Variants in WWOX observed in about 807,000 individuals in gnomAD.
The protein encoded by WWOX is WW domain containing oxidoreductase.
In WWOX, 69 loss-of-function variants were observed where a neutral mutation model predicts 46.2. The ratio of observed to expected loss-of-function variants is 1.49; its 90% CI spans 1.23 to 1.82. The LOEUF is 1.82. WWOX is among the 40% of genes most tolerant of loss of function. WWOX has a pLI of 0.00. For missense variants in WWOX, 919 were observed against 542.6 expected (o/e 1.69, Z -6.89); for synonymous variants, 359 against 202.6 (o/e 1.77, Z -6.56).
chr16:78,485,951 G>A (rs189467455), intron 8 of WWOX, among the ~76,000 whole-genome samples: 5 of 152,186 alleles, frequency 3.3e-5, no homozygotes, highest in African/African-American at 1.2e-4. Flanking sequence ...AATTATTATT[G>A]TACAGATTTA....
intron 8 of WWOX, among the ~76,000 whole-genome samples, chr16:78,685,221 G>C (rs1159852019): frequency 6.6e-6 from 1 of 152,148 alleles, no homozygotes; most frequent in African/African-American, 2.4e-5. Context: ...GCCAGGGCAG[G>C]AGTATTCCCT....
intron 8 of WWOX, among the ~76,000 whole-genome samples, chr16:79,034,604 G>C (rs1259315368): frequency 6.6e-6 from 1 of 151,828 alleles, no homozygotes; most frequent in Non-Finnish European, 1.5e-5. Context: ...GTGATTATCT[G>C]TTCCTGGATT....
At chr16:78,853,991 A>G (rs1282290648) in intron 8 of WWOX, among the ~76,000 whole-genome samples, 1 of 152,208 alleles carries the variant, frequency 6.6e-6, no homozygotes, top group Non-Finnish European at 1.5e-5. Flanking sequence ...TTAAAAAATG[A>G]ACAGAGGAAA....
At chr16:78,422,663 G>GTGTATATATATA (rs1438850450) in intron 6 of WWOX, among the ~76,000 whole-genome samples, 4 of 24,382 alleles carry the variant, frequency 1.6e-4, no homozygotes, top group Non-Finnish European at 3.2e-4. Flanking sequence ...TTTTTTACAT[G>GTGTATATATATA]TATATATATA....
At chr16:78,278,281 G>A (rs377473835) in intron 5 of WWOX, among the ~76,000 whole-genome samples, 14 of 152,226 alleles carry the variant, frequency 9.2e-5, no homozygotes, top group South Asian at 4.2e-4. Flanking sequence ...TTCTCTTGCC[G>A]CAAGGGTACT....
At chr16:78,474,794 G>C (rs2084316694) in intron 8 of WWOX, among the ~76,000 whole-genome samples, 1 of 152,086 alleles carries the variant, frequency 6.6e-6, no homozygotes, top group Non-Finnish European at 1.5e-5. Context: ...CCATGCGTTT[G>C]TATATTCTGG....
chr16:79,154,229 T>G (rs9938707), intron 8 of WWOX, among the ~76,000 whole-genome samples: 2,390 of 152,266 alleles, frequency 0.016, 61 homozygotes, highest in African/African-American at 0.054. Context: ...GTGCAACAAG[T>G]ATTTGTGTAA....
intron 8 of WWOX, among the ~76,000 whole-genome samples, chr16:78,785,903 T>TTTTA (rs2050444226): frequency 6.6e-6 from 1 of 152,198 alleles, no homozygotes; most frequent in Admixed American, 6.5e-5. Flanking sequence ...TAATATTTCT[T>TTTTA]TTTTATTTTA....
chr16:78,308,600 T>C (rs1312865716), intron 5 of WWOX, among the ~76,000 whole-genome samples: 1 of 152,232 alleles, frequency 6.6e-6, no homozygotes, highest in Non-Finnish European at 1.5e-5. Flanking sequence ...CCTGCAAAGC[T>C]GTTTCTTGTC....
At chr16:78,728,781 G>T (rs141400977) in intron 8 of WWOX, among the ~76,000 whole-genome samples, 1 of 152,120 alleles carries the variant, frequency 6.6e-6, no homozygotes. Flanking sequence ...AAGTGACATT[G>T]TGTCCTTGTC....
At chr16:78,704,415 A>AT (rs1346388401) in intron 8 of WWOX, among the ~76,000 whole-genome samples, 1 of 152,180 alleles carries the variant, frequency 6.6e-6, no homozygotes, top group Non-Finnish European at 1.5e-5. Context: ...TGCACAATAC[A>AT]TGTAGTGCCA....
intron 8 of WWOX, among the ~76,000 whole-genome samples, chr16:78,619,133 TAAAAAA>T (rs768370577): frequency 1.7e-3 from 7 of 4,098 alleles, no homozygotes; most frequent in African/African-American, 4.4e-3. Flanking sequence ...CCATTTCTAC[TAAAAAA>T]AAAATATATA....
intron 8 of WWOX, among the ~76,000 whole-genome samples, chr16:78,843,731 G>T (rs2052222455): frequency 6.6e-6 from 1 of 152,144 alleles, no homozygotes; most frequent in African/African-American, 2.4e-5. Flanking sequence ...ACAAAACAAA[G>T]ACAGCCAGCA....
intron 8 of WWOX, among the ~76,000 whole-genome samples, chr16:79,160,717 T>G (rs2050468872): frequency 6.6e-6 from 1 of 152,186 alleles, no homozygotes; most frequent in Admixed American, 6.5e-5. Context: ...TCCATCGATT[T>G]AGTGATAAAA....
rs1184195820 is a variant in WWOX, at chr16:78,115,134, C to T, written c.389C>T (p.Thr130Ile). Residue 130 changes from threonine to isoleucine, a missense_variant, in exon 4 of 9, where the codon ACT becomes ATT. Transcript: ENST00000566780. ...RDFTGKVVVV[T>I]GANSGIGFET... is the part of the protein sequence containing the mutation. ...TTCACTGGCAAAGTGGTTGTGGTCA[C>T]TGGAGCTAATTCAGGAATAGGTAGG... 6.2e-7 allele frequency: 1 copy of T among 1,614,092 alleles called. No individual in the cohort carries two copies. The highest frequency in any genetic ancestry group is 8.5e-7 in the Non-Finnish European group (1 of 1,180,026).
rs150793963 is a variant in WWOX at position 78,488,158 on chromosome 16, C to T, written c.1056+55406C>T. Among the ~76,000 whole-genome samples the T allele has an allele frequency of 5.1e-3, 780 of 152,238 alleles. 6 individuals carry two copies. The highest frequency in any genetic ancestry group is 0.037 in the Middle Eastern group (11 of 294). On this transcript the variant is annotated intron_variant, in intron 8 of 8. Transcript: ENST00000566780. ...GGAGGACTTGAAAGGTTCCTGCTAC[C>T]TTTGGCTGGGGATGGAGGGAACATG...
intron 8 of WWOX, among the ~76,000 whole-genome samples, chr16:78,829,583 G>A (rs572510900): frequency 5.2e-4 from 79 of 152,042 alleles, no homozygotes; most frequent in Admixed American, 2.8e-3. Flanking sequence ...TTTATTTTTG[G>A]TGTTGTCATC....
chr16:78,486,760 G>A (rs904213191), intron 8 of WWOX, among the ~76,000 whole-genome samples: 3 of 152,176 alleles, frequency 2.0e-5, no homozygotes, highest in Admixed American at 6.6e-5. Context: ...TTTCAGTTGA[G>A]ATAAGGGTTT....
At chr16:78,923,152 T>C (rs977444850) in intron 8 of WWOX, among the ~76,000 whole-genome samples, 1 of 152,020 alleles carries the variant, frequency 6.6e-6, no homozygotes, top group Non-Finnish European at 1.5e-5. Context: ...AGGCTAATTT[T>C]GTATTTTTAG....
Sources: gnomAD v4.1 joint callset for allele counts (sites outside exome capture counted in the v4.1 genomes callset) on GRCh38, gnomAD v4.1.1 for gene constraint, MANE v1.5 for transcripts, NCBI Gene and HGNC (gene_info 2026-07-23, HGNC 2026-07-21) for gene names.